NPHP1: variants seen among roughly 807,000 people sequenced by gnomAD.
The protein encoded by NPHP1 is nephrocystin-1.
A neutral mutation model predicts 90.4 loss-of-function variants in NPHP1; 70 were observed. The ratio of observed to expected loss-of-function variants is 0.77; its 90% confidence interval spans 0.64 to 0.95. The LOEUF is 0.95. Ranked by LOEUF, NPHP1 falls within the 40% of genes least tolerant of loss-of-function variation. NPHP1 has a pLI of 0.00. For synonymous variants in NPHP1, 256 were observed against 271.7 expected, an observed-to-expected ratio of 0.94 and a Z score of 0.57; for missense variants, 764 against 795.9, an observed-to-expected ratio of 0.96 and a Z score of 0.48.
intron 2 of NPHP1, among the ~76,000 whole-genome samples, chr2:110,198,853 G>C (rs1685360763): frequency 6.6e-6 from 1 of 151,980 alleles, no homozygotes; most frequent in African/African-American, 2.4e-5. Context: ...AATCAACCTA[G>C]TCCCTCATTG....
At chr2:110,136,017 C>T (rs1251208621) in intron 16 of NPHP1, among the ~76,000 whole-genome samples, 3 of 152,136 alleles carry the variant, frequency 2.0e-5, no homozygotes, top group Non-Finnish European at 4.4e-5. Flanking sequence ...ACTGGTTCAA[C>T]ATATGCAAAT....
chr2:110,185,367 C>T (rs748866765), intron 2 of NPHP1, among the ~76,000 whole-genome samples: 8 of 152,198 alleles, frequency 5.3e-5, no homozygotes, highest in Non-Finnish European at 1.2e-4. Context: ...GAACTACCCA[C>T]GATGGTGATG....
chr2:110,191,087 G>A (rs757774542), intron 2 of NPHP1, among the ~76,000 whole-genome samples: 30 of 152,160 alleles, frequency 2.0e-4, no homozygotes, highest in Non-Finnish European at 3.8e-4. Context: ...CCCAGAGTGA[G>A]TGACGCAGAA....
At chr2:110,125,472 G>A (rs572275696) in intron 19 of NPHP1, 165 bp downstream of exon 19, 8 of 1,115,692 alleles carry the variant, frequency 7.2e-6, no homozygotes, top group African/African-American at 1.5e-5. Flanking sequence ...ACGATCATGC[G>A]TAACCCTCTT....
chr2:110,129,305 A>G lies in NPHP1; in HGVS notation c.1643-46T>C, dbSNP rs116329819. The G allele has an allele frequency of 5.7e-4, 788 of 1,375,246 alleles. 6 individuals carry two copies. The African/African-American group carries it at 9.6e-3, about 17-fold the overall frequency. The allele number at this position is 1,375,246 out of a possible 1,614,324, so 85.2% of individuals were successfully genotyped here. On this transcript the variant is annotated intron_variant, in intron 17 of 19. Transcript: ENST00000445609. ...AAGAATTTTATGCAAACTTCACTCA[A>G]TGGATTTTATTGCAATAGACACAAA...
intron 16 of NPHP1, among the ~76,000 whole-genome samples, chr2:110,140,826 A>G (rs1360096977): frequency 6.6e-6 from 1 of 152,214 alleles, no homozygotes; most frequent in Admixed American, 6.5e-5. Flanking sequence ...AGAGTAAATA[A>G]TACCCATGAA....
Position 110,169,981 on chromosome 2 carries a change from TCAG to T in NPHP1, c.344_346del (p.Thr115_Glu116delinsLys), listed in dbSNP as rs1429312787. ...TTCACTTTCACTTTCTTCCTCTTCT[TCAG>T]TAGGTGCCCCAACTCTACAAAAAGT... On this transcript the variant is annotated inframe_deletion, in exon 5 of 20. Transcript: ENST00000445609. 3.9e-5 allele frequency: 63 copies of T among 1,612,358 alleles called. No individual in the cohort carries two copies. The highest frequency in any genetic ancestry group is 5.2e-5 in the Non-Finnish European group (61 of 1,178,652).
chr2:110,164,667 A>T, intron 8 of NPHP1, 21 bp downstream of exon 8: 1 of 1,614,034 alleles, frequency 6.2e-7, no homozygotes, highest in East Asian at 2.2e-5. Flanking sequence ...AGACATGATT[A>T]ACAAGACAGA....
At chr2:110,125,992 A>G (rs1222508396) in intron 18 of NPHP1, 1 of 402,900 alleles carries the variant, frequency 2.5e-6, no homozygotes, top group Non-Finnish European at 4.6e-6. Context: ...CCTGAATAAT[A>G]AAATAGTATT....
intron 2 of NPHP1, among the ~76,000 whole-genome samples, chr2:110,193,722 C>T (rs1470613587): frequency 6.6e-6 from 1 of 152,078 alleles, no homozygotes; most frequent in Non-Finnish European, 1.5e-5. Flanking sequence ...CAGCACCACA[C>T]CACACCTATT....
chr2:110,164,576 C>T lies in NPHP1; in HGVS notation c.771+112G>A. Reference sequence around the variant, plus strand: ...CGTCCTCTGCTCTGTACATTCCATGCCCTGAACCCTGTTTCAGATCCATTG... The same window carrying T: ...CGTCCTCTGCTCTGTACATTCCATGTCCTGAACCCTGTTTCAGATCCATTG... On this transcript the variant is annotated intron_variant, in intron 8 of 19. Transcript: ENST00000445609. The T allele has an allele frequency of 6.2e-7, 1 of 1,603,334 alleles. No individual in the cohort carries two copies. Among genetic ancestry groups the T allele is most frequent in the Admixed American group, 1.7e-5 (1 of 60,006 alleles).
chr2:110,201,545 G>T, intron 1 of NPHP1, 51 bp from the exon 2 acceptor site: 1 of 1,253,666 alleles, frequency 8.0e-7, no homozygotes, highest in Non-Finnish European at 1.1e-6. Flanking sequence ...ATCGCCTTAG[G>T]AAAGAAAACT....
Position 110,188,592 on chromosome 2 carries a change from A to G in NPHP1, c.144-8908T>C, listed in dbSNP as rs574875046. 8.5e-5 allele frequency among the ~76,000 whole-genome samples: 13 copies of G among 152,292 alleles called. No individual in the cohort carries two copies. In the South Asian group the frequency reaches 2.7e-3, roughly 32 times the overall value. ...TGAAAATGGACATACTGCCCCAAAT[A>G]ATGTATAGATTCAATGCTATTCCCA... On this transcript the variant is annotated intron_variant, in intron 2 of 19. Coordinates refer to ENST00000445609, the MANE Select transcript of NPHP1 (RefSeq NM_001128178.3).
At chr2:110,127,804 T>C (rs1375412757) in intron 18 of NPHP1, 1 of 152,120 alleles carries the variant, frequency 6.6e-6, no homozygotes, top group Non-Finnish European at 1.5e-5. Flanking sequence ...GGATCCTAAG[T>C]TTCCTCCTAA....
intron 17 of NPHP1, among the ~76,000 whole-genome samples, chr2:110,130,943 T>G (rs537677227): frequency 6.6e-6 from 1 of 152,300 alleles, no homozygotes; most frequent in African/African-American, 2.4e-5. Context: ...AATTATGTGT[T>G]TGAGGCCTGG....
At chr2:110,191,712 A>C (rs1261089577) in intron 2 of NPHP1, among the ~76,000 whole-genome samples, 2 of 152,264 alleles carry the variant, frequency 1.3e-5, no homozygotes, top group East Asian at 3.9e-4. Context: ...CTGCCTCCTC[A>C]AGTGGGTCCC....
chr2:110,131,880 C>A, intron 16 of NPHP1, 89 bp from the exon 17 acceptor site: 2 of 898,336 alleles, frequency 2.2e-6, no homozygotes, highest in East Asian at 2.7e-5. Context: ...AATAAACAGT[C>A]CCAAATTTTG....
rs1263406223 is a variant in NPHP1 at position 110,131,674 on chromosome 2, C to A, written c.1642+5G>T. On this transcript the variant is annotated splice_donor_5th_base_variant and intron_variant, in intron 17 of 19. Coordinates refer to ENST00000445609, the MANE Select transcript of NPHP1 (RefSeq NM_001128178.3). ...GCACATAAGGAAGTGGCAAAGCCCA[C>A]TTACCAGTACTTTGCAAGCTCATCC... 1.3e-6 allele frequency: 2 copies of A among 1,581,920 alleles called. No individual in the cohort carries two copies. Among genetic ancestry groups the A allele is most frequent in the Admixed American group, 3.3e-5 (2 of 59,954 alleles).
At chr2:110,179,025 A>T (rs1683700125) in intron 3 of NPHP1, 2 of 159,000 alleles carry the variant, frequency 1.3e-5, no homozygotes, top group Non-Finnish European at 2.8e-5. Context: ...TTCAGTGACC[A>T]CATATCTCAG....
Sources: gnomAD v4.1 joint callset for allele counts (sites outside exome capture counted in the v4.1 genomes callset) on GRCh38, gnomAD v4.1.1 for gene constraint, MANE v1.5 for transcripts, NCBI Gene and HGNC (gene_info 2026-07-23, HGNC 2026-07-21) for gene names.